The following GPC6 variants were observed in gnomAD, a reference collection of about 807,000 sequenced individuals.
GPC6 encodes the protein glypican-6.
A neutral mutation model predicts 55.2 loss-of-function variants in GPC6; 14 were observed. The observed-to-expected ratio is 0.25, with a 90% CI of 0.17 to 0.40. The LOEUF is 0.40. Among genes scored for constraint, GPC6 ranks in the 10% least tolerant of loss-of-function variants. GPC6 has a pLI of 1.00. For synonymous variants in GPC6, 278 were observed against 259.6 expected, an observed-to-expected ratio of 1.07 and a Z score of -0.68; for missense variants, 641 against 708.5, an observed-to-expected ratio of 0.90 and a Z score of 1.08.
At chr13:94,068,081 G>A (rs1884597424) in intron 4 of GPC6, among the ~76,000 whole-genome samples, 1 of 152,136 alleles carries the variant, frequency 6.6e-6, no homozygotes, top group Non-Finnish European at 1.5e-5. Context: ...TGGTTTTCAT[G>A]CTGCTAATAA....
At chr13:94,180,874 C>CAG (rs1364626862) in intron 4 of GPC6, among the ~76,000 whole-genome samples, 4 of 143,760 alleles carry the variant, frequency 2.8e-5, no homozygotes, top group African/African-American at 1.0e-4. Context: ...AAGAGAGACA[C>CAG]ACACAGAGAG....
intron 6 of GPC6, among the ~76,000 whole-genome samples, chr13:94,313,808 G>A (rs911333244): frequency 5.3e-5 from 8 of 152,112 alleles, no homozygotes; most frequent in Non-Finnish European, 1.0e-4. Context: ...CAAGAGCTTT[G>A]GTGACCTCTG....
intron 3 of GPC6, among the ~76,000 whole-genome samples, chr13:93,990,988 GTT>G (rs1566637565): frequency 6.0e-5 from 9 of 150,726 alleles, no homozygotes; most frequent in African/African-American, 2.2e-4. Flanking sequence ...AAGGAAGGAA[GTT>G]AGTTCTCAGT....
chr13:93,714,889 C>G (rs557981295), intron 2 of GPC6, among the ~76,000 whole-genome samples: 48 of 151,682 alleles, frequency 3.2e-4, no homozygotes, highest in Admixed American at 1.2e-3. Context: ...AGGGAACAGT[C>G]CCTTTTCTTT....
intron 4 of GPC6, among the ~76,000 whole-genome samples, chr13:94,156,914 C>T (rs973315575): frequency 6.6e-6 from 1 of 152,156 alleles, no homozygotes; most frequent in Non-Finnish European, 1.5e-5. Flanking sequence ...TTTATATCCT[C>T]AGATTGGCGA....
chr13:93,385,687 G>A (rs1875369461), intron 1 of GPC6, among the ~76,000 whole-genome samples: 1 of 152,070 alleles, frequency 6.6e-6, no homozygotes, highest in Non-Finnish European at 1.5e-5. Flanking sequence ...TTTCTCTAAT[G>A]CCTAAAACAT....
intron 4 of GPC6, among the ~76,000 whole-genome samples, chr13:94,073,734 C>T (rs1884813576): frequency 6.6e-6 from 1 of 152,060 alleles, no homozygotes; most frequent in Non-Finnish European, 1.5e-5. Context: ...CCAAAGGACC[C>T]TCTAGGATAA....
intron 2 of GPC6, among the ~76,000 whole-genome samples, chr13:93,589,057 A>G (rs1019457990): frequency 6.6e-6 from 1 of 152,172 alleles, no homozygotes; most frequent in Admixed American, 6.5e-5. Context: ...AACTCCTGCC[A>G]AGTAGTTTGT....
chr13:93,731,293 A>G (rs1883810558), intron 2 of GPC6, among the ~76,000 whole-genome samples: 1 of 152,142 alleles, frequency 6.6e-6, no homozygotes, highest in African/African-American at 2.4e-5. Context: ...ACACTACATC[A>G]CAAAACTCTC....
intron 4 of GPC6, among the ~76,000 whole-genome samples, chr13:94,178,904 C>G (rs542208201): frequency 6.6e-6 from 1 of 152,294 alleles, no homozygotes; most frequent in Admixed American, 6.5e-5. Flanking sequence ...GGTACAGGCA[C>G]CCAGTACATC....
intron 3 of GPC6, among the ~76,000 whole-genome samples, chr13:93,897,732 C>A (rs559829161): frequency 2.0e-5 from 3 of 152,180 alleles, no homozygotes; most frequent in South Asian, 2.1e-4. Context: ...TTCTGTCCCC[C>A]CCATCTGTTA....
intron 3 of GPC6, among the ~76,000 whole-genome samples, chr13:93,977,464 AGG>A (rs34071588): frequency 8.2e-6 from 1 of 122,654 alleles, no homozygotes; most frequent in South Asian, 3.0e-4. Context: ...CAAGATGACA[AGG>A]GGTGTGTGTG....
At chr13:94,102,060 T>A (rs1415766647) in intron 4 of GPC6, among the ~76,000 whole-genome samples, 2 of 152,088 alleles carry the variant, frequency 1.3e-5, no homozygotes, top group African/African-American at 4.8e-5. Context: ...GTACACATAA[T>A]AAATATATTA....
intron 2 of GPC6, among the ~76,000 whole-genome samples, chr13:93,653,903 T>C: frequency 6.6e-6 from 1 of 152,172 alleles, no homozygotes; most frequent in East Asian, 1.9e-4. Flanking sequence ...GAGACAGTTC[T>C]CTAGTCATGC....
At chr13:93,584,791 C>T (rs923086614) in intron 2 of GPC6, among the ~76,000 whole-genome samples, 1 of 141,680 alleles carries the variant, frequency 7.1e-6, no homozygotes, top group African/African-American at 2.7e-5. Flanking sequence ...TGGGCTCAAA[C>T]AATCCTCTAA....
intron 3 of GPC6, among the ~76,000 whole-genome samples, chr13:93,893,285 C>T (rs578039949): frequency 7.2e-5 from 11 of 152,224 alleles, no homozygotes; most frequent in Non-Finnish European, 1.3e-4. Flanking sequence ...CCTCAAACTC[C>T]TGACCTCAGG....
At chr13:93,618,663 G>A (rs1380570579) in intron 2 of GPC6, among the ~76,000 whole-genome samples, 1 of 152,022 alleles carries the variant, frequency 6.6e-6, no homozygotes, top group Non-Finnish European at 1.5e-5. Context: ...AAAATAACTT[G>A]ACAAATTTAT....
At chr13:93,716,244 G>A (rs909417302) in intron 2 of GPC6, among the ~76,000 whole-genome samples, 4 of 151,558 alleles carry the variant, frequency 2.6e-5, no homozygotes, top group African/African-American at 4.8e-5. Flanking sequence ...TTATTTCAGA[G>A]CGTACACCTC....
intron 1 of GPC6, among the ~76,000 whole-genome samples, chr13:93,436,688 T>A (rs1323255254): frequency 1.3e-5 from 2 of 152,106 alleles, no homozygotes; most frequent in South Asian, 4.1e-4. Flanking sequence ...ATGAAAAAAA[T>A]GCACCCCTTC....
Sources: allele counts gnomAD v4.1 joint callset (sites outside exome capture counted in the v4.1 genomes callset), GRCh38; gene constraint gnomAD v4.1.1; transcripts MANE v1.5; gene names NCBI Gene and HGNC (gene_info 2026-07-23, HGNC 2026-07-21).